DLGAP4: variants seen among roughly 807,000 people sequenced by gnomAD.
DLGAP4 encodes the protein DLG associated protein 4.
A neutral mutation model predicts 86.9 loss-of-function variants in DLGAP4; 18 were observed. The ratio of observed to expected loss-of-function variants is 0.21; its 90% confidence interval spans 0.14 to 0.31. DLGAP4 has a LOEUF of 0.31. Among genes scored for constraint, DLGAP4 ranks in the 10% least tolerant of loss-of-function variants. The probability of loss-of-function intolerance (pLI) is 1.00; values close to 1 mark genes in which losing one functional copy is unlikely to be tolerated. For synonymous variants in DLGAP4, 548 were observed against 574.3 expected (o/e 0.95, Z 0.65); for missense variants, 1,085 against 1,362.6 (o/e 0.80, Z 3.21).
At chr20:36,394,445 C>T (rs943122850) in intron 2 of DLGAP4, among the ~76,000 whole-genome samples, 11 of 152,172 alleles carry the variant, frequency 7.2e-5, no homozygotes, top group African/African-American at 2.7e-4. Context: ...CTGCCCCCTT[C>T]CTTACTCCTA....
intron 5 of DLGAP4, among the ~76,000 whole-genome samples, chr20:36,440,928 C>T (rs1326588171): frequency 1.3e-5 from 2 of 152,090 alleles, no homozygotes; most frequent in Non-Finnish European, 2.9e-5. Context: ...GACCCCGACT[C>T]CTCACAACTC....
intron 7 of DLGAP4, among the ~76,000 whole-genome samples, chr20:36,489,534 A>T (rs1205826768): frequency 6.6e-6 from 1 of 152,042 alleles, no homozygotes; most frequent in Admixed American, 6.6e-5. Context: ...GCCCCCACTG[A>T]AGGGTTTGTT....
chr20:36,307,114 C>A (rs1445999889), intron 1 of DLGAP4, among the ~76,000 whole-genome samples: 1 of 152,004 alleles, frequency 6.6e-6, no homozygotes, highest in African/African-American at 2.4e-5. Flanking sequence ...GGGGGCAGCA[C>A]CCCCCTCCCG....
chr20:36,326,706 A>AT (rs1282713563), intron 1 of DLGAP4, among the ~76,000 whole-genome samples: 4 of 151,984 alleles, frequency 2.6e-5, no homozygotes, highest in Non-Finnish European at 5.9e-5. Flanking sequence ...CTCTGGTATC[A>AT]TTTTCCTTCA....
chr20:36,358,780 C>A (rs1325071535), intron 1 of DLGAP4, among the ~76,000 whole-genome samples: 1 of 152,006 alleles, frequency 6.6e-6, no homozygotes, highest in African/African-American at 2.4e-5. Context: ...TGCACTCCAG[C>A]CTGGGCAACA....
intron 10 of DLGAP4, among the ~76,000 whole-genome samples, chr20:36,522,471 A>AATTTCAAATAAGAGATT (rs1262259449): frequency 1.3e-5 from 2 of 152,054 alleles, no homozygotes; most frequent in Admixed American, 1.3e-4. Context: ...CTCCTTTTTT[A>AATTTCAAATAAGAGATT]ATTTCAAATA....
chr20:36,377,812 C>T (rs574230296), intron 2 of DLGAP4, among the ~76,000 whole-genome samples: 8 of 152,338 alleles, frequency 5.3e-5, no homozygotes, highest in Non-Finnish European at 7.3e-5. Flanking sequence ...ACTCTCCCCG[C>T]GTTCCTCCAA....
At position 36,499,298 on chromosome 20, in the gene DLGAP4, C is replaced by A. The variant is rs374380902; in HGVS notation, c.2011-290C>A. 1.9e-6 allele frequency: 3 copies of A among 1,613,566 alleles called. No homozygotes were observed. The African/African-American group carries it at 4.0e-5, about 22-fold the overall frequency. On this transcript the variant is annotated intron_variant, in intron 8 of 12. Coordinates refer to ENST00000339266, the MANE Select transcript of DLGAP4 (RefSeq NM_001365621.2). Reference sequence around the variant, plus strand: ...CGGAGGACAACGGACCCAAAGCGATCGATGTGATGGCACCCTCCTCAGAGT... The same window carrying A: ...CGGAGGACAACGGACCCAAAGCGATAGATGTGATGGCACCCTCCTCAGAGT...
chr20:36,374,886 G>A (rs1278209712), intron 2 of DLGAP4, among the ~76,000 whole-genome samples: 4 of 152,264 alleles, frequency 2.6e-5, no homozygotes, highest in Non-Finnish European at 5.9e-5. Context: ...GCAGGCAGAA[G>A]CCTGCATTTC....
intron 6 of DLGAP4, among the ~76,000 whole-genome samples, chr20:36,444,649 A>AT (rs915319611): frequency 7.3e-5 from 11 of 151,418 alleles, no homozygotes; most frequent in African/African-American, 2.4e-4. Context: ...ATCAAAAAAA[A>AT]TTTTTTTTTG....
At chr20:36,487,645 A>G (rs1453856723) in intron 7 of DLGAP4, among the ~76,000 whole-genome samples, 1 of 152,128 alleles carries the variant, frequency 6.6e-6, no homozygotes, top group Admixed American at 6.5e-5. Context: ...TCCCTTCACC[A>G]GAAAGCTCTG....
chr20:36,387,895 A>C (rs1191889594), intron 2 of DLGAP4, among the ~76,000 whole-genome samples: 2 of 152,130 alleles, frequency 1.3e-5, no homozygotes, highest in Admixed American at 6.5e-5. Context: ...TACACTAATC[A>C]CTGTATCTCA....
intron 2 of DLGAP4, among the ~76,000 whole-genome samples, chr20:36,409,409 T>TA (rs1284779942): frequency 1.1e-5 from 1 of 93,804 alleles, no homozygotes; most frequent in Non-Finnish European, 2.0e-5. Flanking sequence ...TTTTTTTTTT[T>TA]AACTCTTTTT....
chr20:36,325,631 C>A (rs1555890951), intron 1 of DLGAP4, among the ~76,000 whole-genome samples: 1 of 152,002 alleles, frequency 6.6e-6, no homozygotes, highest in Admixed American at 6.6e-5. Flanking sequence ...CTTTGTTATT[C>A]AATACATACA....
At chr20:36,516,004 C>CA (rs1278290508) in intron 10 of DLGAP4, among the ~76,000 whole-genome samples, 1 of 152,210 alleles carries the variant, frequency 6.6e-6, no homozygotes, top group Non-Finnish European at 1.5e-5. Flanking sequence ...TCTCAACTGT[C>CA]AGAGTGCTGC....
At chr20:36,458,498 A>AT (rs2033940446) in intron 7 of DLGAP4, among the ~76,000 whole-genome samples, 2 of 151,026 alleles carry the variant, frequency 1.3e-5, no homozygotes, top group Admixed American at 1.3e-4. Context: ...AAGTGCTGGG[A>AT]TTACAGGCAT....
chr20:36,457,035 A>C (rs924500346), intron 7 of DLGAP4, among the ~76,000 whole-genome samples: 2 of 152,186 alleles, frequency 1.3e-5, no homozygotes, highest in Non-Finnish European at 2.9e-5. Flanking sequence ...CCTTGCCTTC[A>C]TGGAGATTGT....
chr20:36,426,168 A>G (rs192065939), intron 2 of DLGAP4, among the ~76,000 whole-genome samples: 15 of 152,226 alleles, frequency 9.9e-5, no homozygotes, highest in Non-Finnish European at 1.5e-4. Context: ...ATGATTCCAC[A>G]TATTGAGAAT....
chr20:36,399,737 AGATTCGAG>A (rs1313283016), intron 2 of DLGAP4, among the ~76,000 whole-genome samples: 2 of 152,258 alleles, frequency 1.3e-5, no homozygotes, highest in Non-Finnish European at 2.9e-5. Flanking sequence ...CATAGAGTGC[AGATTCGAG>A]GATTCCAGGC....
Sources: gnomAD v4.1 joint callset for allele counts (sites outside exome capture counted in the v4.1 genomes callset) on GRCh38, gnomAD v4.1.1 for gene constraint, MANE v1.5 for transcripts, NCBI Gene and HGNC (gene_info 2026-07-23, HGNC 2026-07-21) for gene names.